PREX2: variants seen among roughly 807,000 people sequenced by gnomAD.
The protein encoded by PREX2 is phosphatidylinositol 3,4,5-trisphosphate-dependent Rac exchanger 2 protein.
A neutral mutation model predicts 203.2 loss-of-function variants in PREX2; 107 were observed. That is an observed-to-expected ratio of 0.53 (90% CI 0.45 to 0.62). PREX2 has a LOEUF of 0.62. PREX2 is among the 20% of genes least tolerant of loss of function. The probability of loss-of-function intolerance (pLI) is 0.00; values close to 1 mark genes in which losing one functional copy is unlikely to be tolerated. For missense variants in PREX2, 1,777 were observed against 1,955.9 expected, an observed-to-expected ratio of 0.91 and a Z score of 1.72; for synonymous variants, 672 against 663.6, an observed-to-expected ratio of 1.01 and a Z score of -0.19.
At chr8:68,072,458 GT>G in intron 13 of PREX2, 36 bp from the exon 14 acceptor site, 2 of 1,227,700 alleles carry the variant, frequency 1.6e-6, no homozygotes, top group Non-Finnish European at 2.4e-6. Context: ...CTTAATTTTT[GT>G]TTTTTGTTTG....
chr8:68,216,326 C>T (rs1461899169), intron 37 of PREX2, among the ~76,000 whole-genome samples: 1 of 152,146 alleles, frequency 6.6e-6, no homozygotes, highest in African/African-American at 2.4e-5. Context: ...GTAGAACTTA[C>T]TTTTATTTGC....
chr8:68,200,983 T>C (rs946381580), intron 37 of PREX2, among the ~76,000 whole-genome samples: 1 of 152,188 alleles, frequency 6.6e-6, no homozygotes, highest in East Asian at 1.9e-4. Context: ...TTTACATTAC[T>C]ACATTTTATT....
intron 33 of PREX2, among the ~76,000 whole-genome samples, chr8:68,141,073 T>TA (rs1253325341): frequency 2.6e-5 from 4 of 152,156 alleles, no homozygotes; most frequent in Non-Finnish European, 5.9e-5. Flanking sequence ...GCATGGAACT[T>TA]AGACACTAAT....
At chr8:68,103,780 G>T (rs985084438) in intron 23 of PREX2, 22 of 512,666 alleles carry the variant, frequency 4.3e-5, no homozygotes, top group Non-Finnish European at 8.2e-5. Context: ...CCTGGTTTTT[G>T]TCCTTTCTTG....
At chr8:68,143,669 C>T (rs1585825493) in intron 33 of PREX2, among the ~76,000 whole-genome samples, 1 of 152,048 alleles carries the variant, frequency 6.6e-6, no homozygotes, top group African/African-American at 2.4e-5. Flanking sequence ...TTGACAATGT[C>T]TTTTGCAGAA....
rs768436590 is a variant in PREX2 at position 68,087,675 on chromosome 8, C to G, written c.2028-49C>G. The G allele has an allele frequency of 4.6e-6, 6 of 1,291,648 alleles. No homozygotes were observed. The African/African-American group carries it at 5.8e-5, about 13-fold the overall frequency. 80.0% of individuals were successfully genotyped at this position (1,291,648 alleles called of 1,614,324 possible). A position where few individuals can be genotyped will look rare whatever the true frequency, so the allele number is the denominator to read the frequency against. ...AGCTGTACACGACGATTATTTCAAC[C>G]AGTTTTGATTCTTACGCTTCATCTT... On this transcript the variant is annotated intron_variant, in intron 18 of 39. Coordinates refer to ENST00000288368, the MANE Select transcript of PREX2 (RefSeq NM_024870.4).
At chr8:68,086,802 G>A (rs376937813) in intron 18 of PREX2, among the ~76,000 whole-genome samples, 98 of 151,834 alleles carry the variant, frequency 6.5e-4, no homozygotes, top group African/African-American at 2.3e-3. Context: ...ATTCAGGTTT[G>A]CCTTCTGATG....
In PREX2 at chr8:68,077,486, C is replaced by G. The variant is rs758120731; in HGVS notation, c.1642+17C>G. The stretch of plus-strand genomic sequence containing the variant: ...TGCACCATGGTAGGGATTTTTTACC[C>G]TGGGAGCTTACAGATGTATTTCATC... On this transcript the variant is annotated intron_variant, in intron 15 of 39. Coordinates refer to ENST00000288368, the MANE Select transcript of PREX2 (RefSeq NM_024870.4). 2 of 1,567,078 alleles carry G rather than the reference C, an allele frequency of 1.3e-6. No homozygotes were observed. The highest frequency in any genetic ancestry group is 3.3e-5 in the Admixed American group (2 of 59,954).
chr8:68,093,390 C>CAAAAAAAAAA (rs56001927), intron 20 of PREX2, among the ~76,000 whole-genome samples: 2 of 81,480 alleles, frequency 2.5e-5, no homozygotes, highest in Non-Finnish European at 2.5e-5. Context: ...AACTCCATCT[C>CAAAAAAAAAA]AAAAAAAAAA....
chr8:68,126,610 G>GA (rs1431707405), intron 30 of PREX2, among the ~76,000 whole-genome samples: 1 of 152,004 alleles, frequency 6.6e-6, no homozygotes, highest in Admixed American at 6.6e-5. Context: ...ACTCTACTGT[G>GA]AATCTGTCTA....
intron 1 of PREX2, among the ~76,000 whole-genome samples, chr8:68,014,627 C>T (rs899748353): frequency 6.6e-6 from 1 of 152,106 alleles, no homozygotes; most frequent in Non-Finnish European, 1.5e-5. Flanking sequence ...GCCAGCATCC[C>T]CAAGTGGTTG....
rs1813218849 is a variant in PREX2 at position 68,233,987 on chromosome 8, A to G, written c.*2609A>G. ...TATGTAAATGCTTTAATTATATGAA[A>G]ATTATAGTGTTTCCTGGACATTTTA... On this transcript the variant is annotated 3_prime_UTR_variant, in exon 40 of 40. Transcript: ENST00000288368. 6.6e-6 allele frequency: 1 copy of G among 152,196 alleles called. No individual in the cohort carries two copies. The highest frequency in any genetic ancestry group is 2.4e-5 in the African/African-American group (1 of 41,448). 9.4% of individuals were successfully genotyped at this position (152,196 alleles called of 1,614,324 possible).
intron 35 of PREX2, among the ~76,000 whole-genome samples, chr8:68,184,200 G>A (rs1314280738): frequency 6.6e-6 from 1 of 152,110 alleles, no homozygotes; most frequent in Admixed American, 6.5e-5. Context: ...ACATGTGGCC[G>A]CAGGTTGAAC....
At chr8:68,168,515 G>A (rs1465892723) in intron 35 of PREX2, among the ~76,000 whole-genome samples, 2 of 152,154 alleles carry the variant, frequency 1.3e-5, no homozygotes, top group East Asian at 3.9e-4. Context: ...GTACAAATTA[G>A]GTGCCTTTGT....
chr8:68,117,244 G>A (rs1345096412), intron 26 of PREX2, among the ~76,000 whole-genome samples: 1 of 152,128 alleles, frequency 6.6e-6, no homozygotes, highest in Non-Finnish European at 1.5e-5. Flanking sequence ...GTTCTGATAG[G>A]AATTCCATTT....
chr8:68,208,312 G>A (rs1029492551), intron 37 of PREX2, among the ~76,000 whole-genome samples: 1 of 152,088 alleles, frequency 6.6e-6, no homozygotes, highest in South Asian at 2.1e-4. Context: ...ATAACTTGGA[G>A]GTTTATAACA....
chr8:67,996,189 T>G (rs1806758422), intron 1 of PREX2, among the ~76,000 whole-genome samples: 1 of 152,070 alleles, frequency 6.6e-6, no homozygotes, highest in Admixed American at 6.6e-5. Context: ...CTTTTTTCAG[T>G]ATTAATTTTT....
chr8:68,033,663 G>A (rs188107525), intron 6 of PREX2, among the ~76,000 whole-genome samples: 331 of 152,178 alleles, frequency 2.2e-3, no homozygotes, highest in African/African-American at 6.6e-3. Flanking sequence ...AATTTTTTCC[G>A]TCTTTATATG....
intron 39 of PREX2, among the ~76,000 whole-genome samples, chr8:68,226,241 C>T (rs890250224): frequency 6.6e-6 from 1 of 152,028 alleles, no homozygotes; most frequent in Non-Finnish European, 1.5e-5. Context: ...TGCTATGCCC[C>T]AAGGAGAGTA....
Sources: allele counts gnomAD v4.1 joint callset (sites outside exome capture counted in the v4.1 genomes callset), GRCh38; gene constraint gnomAD v4.1.1; transcripts MANE v1.5; gene names NCBI Gene and HGNC (gene_info 2026-07-23, HGNC 2026-07-21).